CES3: variants seen among roughly 807,000 people sequenced by gnomAD.
The protein encoded by CES3 is carboxylesterase 3, also known as carboxylesterase 3 (brain).
Under a neutral mutation model 57.6 loss-of-function variants are expected in CES3, and 49 were observed. The observed-to-expected ratio is 0.85, with a 90% CI of 0.68 to 1.08. The LOEUF is 1.08. Ranked by LOEUF, CES3 falls within the 50% of genes least tolerant of loss-of-function variation. The pLI is 0.00. For missense variants in CES3, 645 were observed against 742.0 expected (o/e 0.87, Z 1.52); for synonymous variants, 266 against 281.6 (o/e 0.94, Z 0.55).
chr16:66,972,059 C>T (rs1411217282), intron 10 of CES3, among the ~76,000 whole-genome samples: 2 of 152,100 alleles, frequency 1.3e-5, no homozygotes, highest in Non-Finnish European at 2.9e-5. Context: ...ATCACTTGAG[C>T]GCGGGAGTCT....
intron 4 of CES3, 72 bp downstream of exon 4, chr16:66,964,007 C>T: frequency 6.3e-7 from 1 of 1,581,594 alleles, no homozygotes; most frequent in Non-Finnish European, 8.6e-7. Flanking sequence ...AACTGGGGAT[C>T]TAGGTTGGGG....
chr16:66,972,310 A>C (rs1416889237), intron 10 of CES3, 46 bp from the exon 11 acceptor site: 1 of 1,510,170 alleles, frequency 6.6e-7, no homozygotes, highest in East Asian at 2.3e-5. Flanking sequence ...GGCAGCATCG[A>C]ATCAGGCCAT....
intron 9 of CES3, among the ~76,000 whole-genome samples, 193 bp downstream of exon 9, chr16:66,969,952 C>G (rs568750282): frequency 6.6e-6 from 1 of 152,242 alleles, no homozygotes; most frequent in South Asian, 2.1e-4. Context: ...GTGTGGTTCT[C>G]AAAGGAAAAC....
At chr16:66,964,842 G>C (rs1193301745) in intron 6 of CES3, 115 bp downstream of exon 6, 2 of 724,994 alleles carry the variant, frequency 2.8e-6, no homozygotes, top group Non-Finnish European at 4.5e-6. Context: ...TGTTAGCAAA[G>C]AGAAGCCCAA....
intron 9 of CES3, among the ~76,000 whole-genome samples, chr16:66,970,873 C>A (rs1597024022): frequency 6.6e-6 from 1 of 152,226 alleles, no homozygotes; most frequent in Non-Finnish European, 1.5e-5. Context: ...CGAGCACCTG[C>A]TTCCAGGCCA....
rs1963827620 is a variant in CES3 at position 66,971,264 on chromosome 16, C to T, written c.1236C>T (p.Phe412=). Residue 412 remains phenylalanine (F), a synonymous_variant, in exon 10 of 13, where the codon TTC becomes TTT. Transcript: ENST00000303334. ...AQAKCQAFQE[F]MGDVFINVPT... ...CCAAATGCCAGGCGTTCCAGGAATTCATGGGTGACGTATTCATCAATGTTC... is the reference window on the plus strand; with the variant it reads ...CCAAATGCCAGGCGTTCCAGGAATTTATGGGTGACGTATTCATCAATGTTC... 6.2e-7 allele frequency: 1 copy of T among 1,614,188 alleles called. No individual in the cohort carries two copies. Among genetic ancestry groups the T allele is most frequent in the East Asian group, 2.2e-5 (1 of 44,892 alleles).
chr16:66,969,722 A>G lies in CES3; in HGVS notation c.1106A>G (p.Asp369Gly), dbSNP rs752866411. Reference sequence around the variant, plus strand: ...ACAATGGAGCAGATGAGCCGGGAGGACATGCTGGCCATCTCAACACCCGTC... The same window carrying G: ...ACAATGGAGCAGATGAGCCGGGAGGGCATGCTGGCCATCTCAACACCCGTC... The part of the protein sequence containing the change: ...LDTMEQMSRE[D>G]MLAISTPVLT... Residue 369 changes from aspartate to glycine, a missense_variant, in exon 9 of 13, where the codon GAC becomes GGC. Physicochemically the swap from Asp to Gly is moderately conservative, Grantham distance 94. Coordinates refer to ENST00000303334, the MANE Select transcript of CES3 (RefSeq NM_024922.6). 3.1e-6 allele frequency: 5 copies of G among 1,613,240 alleles called. No individual in the cohort carries two copies. The Admixed American group carries it at 6.7e-5, about 22-fold the overall frequency.
At position 66,963,403 on chromosome 16, in the gene CES3, G is replaced by C. The variant is rs530733407; in HGVS notation, c.287+20G>C. The C allele has an allele frequency of 6.2e-7, 1 of 1,611,604 alleles. No homozygotes were observed. Among genetic ancestry groups the C allele is most frequent in the African/African-American group, 1.3e-5 (1 of 74,904 alleles). ...CCCAATGTGAGTAGTGCTGGTGGAG[G>C]CGGGCAAACAGGCAGGTTGCAGGAG... is the stretch of plus-strand genomic sequence containing the variant. On this transcript the variant is annotated intron_variant, in intron 2 of 12. Coordinates refer to ENST00000303334, the MANE Select transcript of CES3 (RefSeq NM_024922.6). This position sits in a 1 kb window ranked among gnomAD's most constrained non-coding sequence, Gnocchi z 4.9.
At position 66,963,878 on chromosome 16, in the gene CES3, A is replaced by G. The variant is rs1367598924; in HGVS notation, c.503A>G (p.Tyr168Cys). Residue 168 changes from tyrosine to cysteine, a missense_variant, in exon 4 of 13, where the codon TAT becomes TGT. Tyr to Cys is a radical substitution (Grantham distance 194, BLOSUM62 -2). Coordinates refer to ENST00000303334, the MANE Select transcript of CES3 (RefSeq NM_024922.6). The surrounding 1 kb of genome is among the most constrained non-coding windows in gnomAD (Gnocchi z 4.9). ...TSYDGSALAA[Y>C]GDVVVVTVQY... ...TACGATGGATCAGCTCTGGCTGCCT[A>G]TGGGGATGTGGTCGTGGTTACAGTC... 1 of 1,614,150 alleles carries G rather than the reference A, an allele frequency of 6.2e-7. No homozygotes were observed. Among genetic ancestry groups the G allele is most frequent in the Non-Finnish European group, 8.5e-7 (1 of 1,180,002 alleles).
intron 10 of CES3, 30 bp downstream of exon 10, chr16:66,971,349 C>T (rs1187983565): frequency 1.9e-6 from 3 of 1,602,252 alleles, no homozygotes; most frequent in African/African-American, 1.3e-5. Context: ...CCTGCCCAAC[C>T]CCTCCCACTT....
At position 66,963,430 on chromosome 16, in the gene CES3, A is replaced by G; in HGVS notation, c.287+47A>G. ...GGGCAAACAGGCAGGTTGCAGGAGA[A>G]TCCTGCTGCTGGGGCTTGTGGGGCT... On this transcript the variant is annotated intron_variant, in intron 2 of 12. Transcript: ENST00000303334. The surrounding 1 kb of genome is among the most constrained non-coding windows in gnomAD (Gnocchi z 4.9). 6.2e-7 allele frequency: 1 copy of G among 1,610,796 alleles called. No homozygotes were observed. The highest frequency in any genetic ancestry group is 8.5e-7 in the Non-Finnish European group (1 of 1,177,474).
At position 66,964,684 on chromosome 16, in the gene CES3, C is replaced by A. The variant is rs752572690; in HGVS notation, c.776C>A (p.Thr259Asn). ...GCCATCACACAGAGTGGGGTCATCA[C>A]CACCCCAGGGATCATCGACTCTCAC... Reference protein sequence around the residue: ...HRAITQSGVITTPGIIDSHPW... With the variant: ...HRAITQSGVINTPGIIDSHPW... The change falls in exon 6 of 13, where the codon ACC becomes AAC. Residue 259 changes from threonine to asparagine, a missense_variant. Physicochemically the swap from Thr to Asn is moderately conservative, Grantham distance 65. Coordinates refer to ENST00000303334, the MANE Select transcript of CES3 (RefSeq NM_024922.6). 6.2e-7 allele frequency: 1 copy of A among 1,614,112 alleles called. No homozygotes were observed. Among genetic ancestry groups the A allele is most frequent in the Non-Finnish European group, 8.5e-7 (1 of 1,180,006 alleles).
chr16:66,969,671 C>A lies in CES3; in HGVS notation c.1063-8C>A. ...GGCTCCACTGAGAGGGCCTTGGTGT[C>A]CACACAGGGCTGGGGTCTCCTGGAT... On this transcript the variant is annotated splice_polypyrimidine_tract_variant and splice_region_variant and intron_variant, in intron 8 of 12. Transcript: ENST00000303334. 1 of 1,612,140 alleles carries A rather than the reference C, an allele frequency of 6.2e-7. No individual in the cohort carries two copies. The highest frequency in any genetic ancestry group is 8.5e-7 in the Non-Finnish European group (1 of 1,179,224).
At chr16:66,965,237 G>A (rs1240332766) in intron 6 of CES3, among the ~76,000 whole-genome samples, 3 of 152,344 alleles carry the variant, frequency 2.0e-5, no homozygotes, top group Admixed American at 6.5e-5. Flanking sequence ...CTGGAGAAGT[G>A]GGGGCCATGC....
In CES3 at chr16:66,973,087, C is replaced by T; in HGVS notation, c.*38C>T. The T allele has an allele frequency of 6.4e-7, 1 of 1,574,794 alleles. No homozygotes were observed. The highest frequency in any genetic ancestry group is 8.7e-7 in the Non-Finnish European group (1 of 1,149,560). On this transcript the variant is annotated 3_prime_UTR_variant, in exon 13 of 13. Transcript: ENST00000303334. ...ACCTTCTTGGCTGGGGCAAACCACT[C>T]TTCAAGTGGTGGCAGAGTCCCAGCA...
At chr16:66,966,924 C>G (rs1291224943) in intron 8 of CES3, 59 bp downstream of exon 8, 1 of 1,586,116 alleles carries the variant, frequency 6.3e-7, no homozygotes, top group African/African-American at 1.3e-5. Context: ...ACCTGCCACC[C>G]CAGCATCAAC....
Position 66,964,603 on chromosome 16 carries a change from CCT to C in CES3, c.715-14_715-13del, listed in dbSNP as rs758392222. ...CTCTGCCCTCCTCTGACAGCCACCT[CCT>C]CTCTCCAATGCACCCAGGTCCTGTC... On this transcript the variant is annotated intron_variant, in intron 5 of 12. Coordinates refer to ENST00000303334, the MANE Select transcript of CES3 (RefSeq NM_024922.6). The C allele has an allele frequency of 1.2e-6, 2 of 1,613,252 alleles. No individual in the cohort carries two copies. The highest frequency in any genetic ancestry group is 4.5e-5 in the East Asian group (2 of 44,852).
Position 66,974,686 on chromosome 16 carries a change from G to C in CES3, c.*1637G>C, listed in dbSNP as rs1426182840. 1 of 153,410 alleles carries C rather than the reference G, an allele frequency of 6.5e-6. No homozygotes were observed. The highest frequency in any genetic ancestry group is 1.5e-5 in the Non-Finnish European group (1 of 68,952). 9.5% of individuals were successfully genotyped at this position (153,410 alleles called of 1,614,324 possible). On this transcript the variant is annotated 3_prime_UTR_variant, in exon 13 of 13. Coordinates refer to ENST00000303334, the MANE Select transcript of CES3 (RefSeq NM_024922.6). ...TGGATCCACTGGGTGAAGCCAGCTG[G>C]GCTCCTGAGTCTGGTGGGGACTTGG...
At chr16:66,966,947 T>C in intron 8 of CES3, 82 bp downstream of exon 8, 5 of 1,514,676 alleles carry the variant, frequency 3.3e-6, no homozygotes, top group Non-Finnish European at 4.5e-6. Context: ...TACAGCCTTG[T>C]GAACGGAGCA....
Sources: allele counts gnomAD v4.1 joint callset (sites outside exome capture counted in the v4.1 genomes callset), GRCh38; gene constraint gnomAD v4.1.1; non-coding constraint Gnocchi (gnomAD v3.1); transcripts MANE v1.5; gene names NCBI Gene and HGNC (gene_info 2026-07-23, HGNC 2026-07-21).